CD59: variants seen among roughly 807,000 people sequenced by gnomAD.
CD59 encodes the protein CD59 glycoprotein.
In CD59, 3 loss-of-function variants were observed where a neutral mutation model predicts 7.0. The ratio of observed to expected loss-of-function variants is 0.43; its 90% confidence interval spans 0.19 to 1.10. The LOEUF is 1.10. Among genes scored for constraint, CD59 ranks in the 50% least tolerant of loss-of-function variants. The pLI is 0.29. For synonymous variants in CD59, 60 were observed against 62.0 expected, an observed-to-expected ratio of 0.97 and a Z score of 0.15; for missense variants, 143 against 151.0, an observed-to-expected ratio of 0.95 and a Z score of 0.28.
chr11:33,717,295 T>C (rs1853837146), intron 3 of CD59, 75 bp downstream of exon 3: 5 of 859,202 alleles, frequency 5.8e-6, no homozygotes, highest in South Asian at 5.6e-5. Context: ...CTAATGAGGA[T>C]TACAGTGGCA....
intron 3 of CD59, among the ~76,000 whole-genome samples, chr11:33,714,710 A>G (rs1853710272): frequency 6.6e-6 from 1 of 152,132 alleles, no homozygotes; most frequent in African/African-American, 2.4e-5. Flanking sequence ...TTTTTATTTA[A>G]AAAAATTTTT....
At chr11:33,720,907 C>T (rs1390667028) in intron 2 of CD59, among the ~76,000 whole-genome samples, 1 of 152,208 alleles carries the variant, frequency 6.6e-6, no homozygotes, top group Non-Finnish European at 1.5e-5. Context: ...GGCCTCTCAT[C>T]TGTGGGCATG....
chr11:33,725,341 A>G (rs1257334416), intron 1 of CD59, among the ~76,000 whole-genome samples: 1 of 152,000 alleles, frequency 6.6e-6, no homozygotes, highest in Non-Finnish European at 1.5e-5. Context: ...AAGATGGTAA[A>G]TGAACCAAAA....
At chr11:33,735,665 C>A (rs1432447196) in intron 1 of CD59, among the ~76,000 whole-genome samples, 1 of 152,136 alleles carries the variant, frequency 6.6e-6, no homozygotes, top group Non-Finnish European at 1.5e-5. Context: ...CACCTGTAAT[C>A]CCAACACTTT....
Position 33,707,938 on chromosome 11 carries a change from G to A in CD59, c.*2188C>T, listed in dbSNP as rs887167647. On this transcript the variant is annotated 3_prime_UTR_variant, in exon 4 of 4. Transcript: ENST00000642928. ...CGGGGCAGTCATTGTTCCGCTGTCA[G>A]GAGGAGAGGGGCCAGAAGGGTCACA... 6.6e-6 allele frequency: 1 copy of A among 152,220 alleles called. No individual in the cohort carries two copies. The highest frequency in any genetic ancestry group is 2.4e-5 in the African/African-American group (1 of 41,454). 9.4% of individuals were successfully genotyped at this position (152,220 alleles called of 1,614,324 possible). A position where few individuals can be genotyped will look rare whatever the true frequency, so the allele number is the denominator to read the frequency against.
At chr11:33,717,989 T>G (rs1396842040) in intron 2 of CD59, 4 of 185,192 alleles carry the variant, frequency 2.2e-5, no homozygotes, top group Admixed American at 1.6e-4. Flanking sequence ...ACACTAATTT[T>G]GAACCCCAAT....
intron 3 of CD59, among the ~76,000 whole-genome samples, chr11:33,713,226 T>G (rs1391010667): frequency 6.6e-6 from 1 of 152,184 alleles, no homozygotes; most frequent in Non-Finnish European, 1.5e-5. Flanking sequence ...ATGGTAGATT[T>G]TCTTCTCCAA....
chr11:33,734,471 C>T (rs1434849804), intron 1 of CD59, among the ~76,000 whole-genome samples: 1 of 152,192 alleles, frequency 6.6e-6, no homozygotes, highest in Non-Finnish European at 1.5e-5. Context: ...CTATCCCCAC[C>T]CACCCCACCT....
intron 3 of CD59, among the ~76,000 whole-genome samples, chr11:33,713,655 T>C (rs1853660861): frequency 6.6e-6 from 1 of 152,214 alleles, no homozygotes; most frequent in South Asian, 2.1e-4. Context: ...TTGAAAAGCT[T>C]TAAAGCTATC....
At chr11:33,711,040 A>C (rs370623420) in intron 3 of CD59, among the ~76,000 whole-genome samples, 1 of 124,238 alleles carries the variant, frequency 8.0e-6, no homozygotes, top group Non-Finnish European at 1.7e-5. Context: ...TTTAAAAAAA[A>C]AAAAATAAAG....
chr11:33,734,951 T>C (rs960846758), intron 1 of CD59, among the ~76,000 whole-genome samples: 1 of 152,222 alleles, frequency 6.6e-6, no homozygotes, highest in Non-Finnish European at 1.5e-5. Context: ...TTTTATCTCC[T>C]AAGCCACTCA....
Position 33,703,175 on chromosome 11 carries a change from G to A in CD59, c.*6951C>T, listed in dbSNP as rs1853166096. 6.6e-6 allele frequency: 1 copy of A among 152,134 alleles called. No individual in the cohort carries two copies. Among genetic ancestry groups the A allele is most frequent in the Non-Finnish European group, 1.5e-5 (1 of 68,030 alleles). The allele number at this position is 152,134 out of a possible 1,614,324, so 9.4% of individuals were successfully genotyped here. On this transcript the variant is annotated 3_prime_UTR_variant, in exon 4 of 4. Coordinates refer to ENST00000642928, the MANE Select transcript of CD59 (RefSeq NM_000611.6). ...ATGGCTTAATTATAACATAATCCAT[G>A]AAGTTATAGCCAGGGGGTTAAATAA... is the stretch of plus-strand genomic sequence containing the variant.
intron 1 of CD59, among the ~76,000 whole-genome samples, chr11:33,735,566 T>C (rs1414979641): frequency 1.3e-5 from 2 of 152,050 alleles, no homozygotes; most frequent in African/African-American, 4.8e-5. Flanking sequence ...GCAGTCAGAC[T>C]CTAAGAAGGG....
At chr11:33,710,545 C>T (rs1041884247) in intron 3 of CD59, among the ~76,000 whole-genome samples, 1 of 152,094 alleles carries the variant, frequency 6.6e-6, no homozygotes, top group African/African-American at 2.4e-5. Flanking sequence ...AAACCAAGGT[C>T]TCATCAGAGC....
At chr11:33,732,975 C>T (rs1045517872) in intron 1 of CD59, among the ~76,000 whole-genome samples, 2 of 152,040 alleles carry the variant, frequency 1.3e-5, no homozygotes, top group African/African-American at 4.8e-5. Context: ...GACTCATGAC[C>T]GACAACAGAA....
intron 2 of CD59, 43 bp downstream of exon 2, chr11:33,722,336 G>A: frequency 6.9e-7 from 1 of 1,445,572 alleles, no homozygotes; most frequent in Non-Finnish European, 9.7e-7. Context: ...GGAGTTCATG[G>A]CCAAGGCAGC....
intron 1 of CD59, among the ~76,000 whole-genome samples, chr11:33,732,055 CTG>C (rs1490385086): frequency 6.6e-6 from 1 of 152,166 alleles, no homozygotes; most frequent in Non-Finnish European, 1.5e-5. Context: ...TCTCATATTT[CTG>C]TCTTGTCTGC....
Position 33,703,865 on chromosome 11 carries a change from A to G in CD59, c.*6261T>C, listed in dbSNP as rs1412903495. 1.3e-5 allele frequency: 2 copies of G among 152,196 alleles called. No individual in the cohort carries two copies. Among genetic ancestry groups the G allele is most frequent in the Admixed American group, 6.5e-5 (1 of 15,290 alleles). 9.4% of individuals were successfully genotyped at this position (152,196 alleles called of 1,614,324 possible). ...TCCTGTCCAGCATTCTTCACTCTCT[A>G]TTTAACCGAGGCTGACTCATTGCAG... On this transcript the variant is annotated 3_prime_UTR_variant, in exon 4 of 4. Transcript: ENST00000642928.
chr11:33,715,071 G>A (rs1051571962), intron 3 of CD59, among the ~76,000 whole-genome samples: 9 of 151,912 alleles, frequency 5.9e-5, no homozygotes, highest in East Asian at 1.9e-4. Flanking sequence ...AGCCTCCCGA[G>A]AGGCTGTTTT....
Sources: allele counts gnomAD v4.1 joint callset (sites outside exome capture counted in the v4.1 genomes callset), GRCh38; gene constraint gnomAD v4.1.1; transcripts MANE v1.5; gene names NCBI Gene and HGNC (gene_info 2026-07-23, HGNC 2026-07-21).